YES1: variants seen among roughly 807,000 people sequenced by gnomAD.
YES1 encodes YES proto-oncogene 1, Src family tyrosine kinase, also known as tyrosine-protein kinase Yes.
YES1 carries 39 observed loss-of-function variants against 70.4 expected under a neutral mutation model. The observed-to-expected ratio is 0.55, with a 90% CI of 0.43 to 0.72. YES1 has a LOEUF of 0.72. Ranked by LOEUF, YES1 falls within the 30% of genes least tolerant of loss-of-function variation. The pLI is 0.00. For synonymous variants in YES1, 198 were observed against 218.6 expected, an observed-to-expected ratio of 0.91 and a Z score of 0.83; for missense variants, 495 against 644.8, an observed-to-expected ratio of 0.77 and a Z score of 2.52.
intron 1 of YES1, among the ~76,000 whole-genome samples, chr18:779,231 C>T (rs1363927916): frequency 2.0e-5 from 3 of 151,656 alleles, no homozygotes; most frequent in Non-Finnish European, 4.4e-5. Context: ...AGGAGACCCC[C>T]GTCCCGGCAA....
chr18:765,290 A>G (rs1298734325), intron 1 of YES1, among the ~76,000 whole-genome samples: 5 of 125,310 alleles, frequency 4.0e-5, no homozygotes, highest in Non-Finnish European at 6.8e-5. Flanking sequence ...ATATATATAT[A>G]TATCTGTAGC....
chr18:724,163 C>A lies in YES1; in HGVS notation c.*261G>T. ...CAGGAGCCTCACTGTCCTTCATTACCATGCTGTCACCCACACTGTCATCAG... is the reference window on the plus strand; with the variant it reads ...CAGGAGCCTCACTGTCCTTCATTACAATGCTGTCACCCACACTGTCATCAG... On this transcript the variant is annotated 3_prime_UTR_variant, in exon 12 of 12. Coordinates refer to ENST00000314574, the MANE Select transcript of YES1 (RefSeq NM_005433.4). 2.7e-6 allele frequency: 1 copy of A among 371,114 alleles called. No homozygotes were observed. The highest frequency in any genetic ancestry group is 5.7e-5 in the South Asian group (1 of 17,484). 23.0% of individuals were successfully genotyped at this position (371,114 alleles called of 1,614,324 possible).
intron 1 of YES1, among the ~76,000 whole-genome samples, chr18:781,582 A>T (rs1274997019): frequency 6.6e-6 from 1 of 152,208 alleles, no homozygotes; most frequent in Non-Finnish European, 1.5e-5. Flanking sequence ...TGAGACAAGA[A>T]AAATTTCTCT....
At chr18:811,903 C>G (rs1009572541) in intron 1 of YES1, among the ~76,000 whole-genome samples, 1 of 152,172 alleles carries the variant, frequency 6.6e-6, no homozygotes, top group Non-Finnish European at 1.5e-5. Context: ...GGGCAGAGAC[C>G]GAGTCAGGGG....
At chr18:782,053 C>G (rs1162833065) in intron 1 of YES1, among the ~76,000 whole-genome samples, 3 of 152,152 alleles carry the variant, frequency 2.0e-5, no homozygotes, top group Non-Finnish European at 2.9e-5. Context: ...GTCTTTCCAT[C>G]ACTTCCCTTG....
intron 1 of YES1, among the ~76,000 whole-genome samples, chr18:811,885 T>C (rs1245305787): frequency 2.0e-5 from 3 of 151,816 alleles, no homozygotes; most frequent in Non-Finnish European, 4.4e-5. Flanking sequence ...ACCCGGCAGG[T>C]CTGGACAGGG....
intron 1 of YES1, among the ~76,000 whole-genome samples, chr18:765,802 A>C (rs1904881447): frequency 1.3e-5 from 2 of 152,244 alleles, no homozygotes; most frequent in African/African-American, 4.8e-5. Flanking sequence ...AGTGGCACTT[A>C]AAATGATTTT....
chr18:746,733 T>C (rs1000953879), intron 4 of YES1, among the ~76,000 whole-genome samples: 2 of 152,216 alleles, frequency 1.3e-5, no homozygotes, highest in Non-Finnish European at 2.9e-5. Flanking sequence ...GAATCCCAGA[T>C]AAACTGGTTT....
intron 5 of YES1, 23 bp downstream of exon 5, chr18:745,925 T>C (rs1310512725): frequency 1.9e-6 from 3 of 1,601,084 alleles, no homozygotes; most frequent in Non-Finnish European, 1.7e-6. Context: ...TTTATACTTA[T>C]ACTAATATAA....
chr18:780,747 C>T (rs1223248827), intron 1 of YES1, among the ~76,000 whole-genome samples: 9 of 152,118 alleles, frequency 5.9e-5, no homozygotes, highest in Non-Finnish European at 8.8e-5. Flanking sequence ...TATAGGGTTG[C>T]CTATACTTCC....
intron 2 of YES1, among the ~76,000 whole-genome samples, chr18:754,486 C>T (rs1471809556): frequency 6.6e-6 from 1 of 152,164 alleles, no homozygotes; most frequent in African/African-American, 2.4e-5. Context: ...GCAGGCACAT[C>T]CCCTAAATCA....
At chr18:801,073 G>C (rs1432692184) in intron 1 of YES1, among the ~76,000 whole-genome samples, 1 of 151,798 alleles carries the variant, frequency 6.6e-6, no homozygotes, top group Non-Finnish European at 1.5e-5. Context: ...TTGAACCAAG[G>C]AGGTGGAGGT....
chr18:737,987 A>AT (rs2080172287), intron 9 of YES1: 2 of 152,058 alleles, frequency 1.3e-5, no homozygotes, highest in Admixed American at 1.3e-4. Flanking sequence ...TTACATTTTT[A>AT]AAGGGTTGTA....
chr18:763,876 C>CT (rs1229978120), intron 1 of YES1, among the ~76,000 whole-genome samples: 1 of 152,006 alleles, frequency 6.6e-6, no homozygotes, highest in Non-Finnish European at 1.5e-5. Flanking sequence ...AATCCCAGCA[C>CT]TTTGGGAGGC....
At chr18:781,097 G>A (rs1905637341) in intron 1 of YES1, among the ~76,000 whole-genome samples, 1 of 152,016 alleles carries the variant, frequency 6.6e-6, no homozygotes, top group South Asian at 2.1e-4. Flanking sequence ...GTGAAACCCC[G>A]TTTCTACTAA....
chr18:763,814 A>C (rs541494557), intron 1 of YES1, among the ~76,000 whole-genome samples: 1 of 152,076 alleles, frequency 6.6e-6, no homozygotes, highest in South Asian at 2.1e-4. Flanking sequence ...TAAATATGGA[A>C]AGAGGAGACA....
In YES1 at chr18:743,293, G is replaced by A. The variant is rs763427480; in HGVS notation, c.847C>T (p.Leu283=). 1 of 1,612,050 alleles carries A rather than the reference G, an allele frequency of 6.2e-7. No homozygotes were observed. The highest frequency in any genetic ancestry group is 1.3e-5 in the African/African-American group (1 of 74,852). Residue 283 remains leucine (L), a synonymous_variant, in exon 7 of 12, where the codon CTA becomes TTA. Transcript: ENST00000314574. ...PRESLRLEVK[L]GQGCFGEVWM... The stretch of plus-strand genomic sequence containing the variant: ...ACTTCGCCGAAACATCCTTGTCCTA[G>A]TTTAACCTCTAGTCGCAAAGATTCT...
At chr18:765,284 A>ATATATATATATATC (rs1568204802) in intron 1 of YES1, among the ~76,000 whole-genome samples, 14 of 126,432 alleles carry the variant, frequency 1.1e-4, no homozygotes, top group African/African-American at 4.2e-4. Flanking sequence ...ATATATATAT[A>ATATATATATATATC]TATATATATC....
intron 6 of YES1, among the ~76,000 whole-genome samples, chr18:743,905 C>T (rs1000920806): frequency 1.4e-4 from 18 of 130,142 alleles, no homozygotes; most frequent in African/African-American, 4.3e-4. Context: ...GATTCTGACT[C>T]GAAAAAAAAA....
Sources: gnomAD v4.1 joint callset for allele counts (sites outside exome capture counted in the v4.1 genomes callset) on GRCh38, gnomAD v4.1.1 for gene constraint, MANE v1.5 for transcripts, NCBI Gene and HGNC (gene_info 2026-07-23, HGNC 2026-07-21) for gene names.